Variants in KIAA1217 observed in about 807,000 individuals in gnomAD.
KIAA1217 encodes sickle tail protein homolog.
KIAA1217 carries 88 observed loss-of-function variants against 163.9 expected under a neutral mutation model. The ratio of observed to expected loss-of-function variants is 0.54; its 90% CI spans 0.45 to 0.64. The LOEUF (loss-of-function observed/expected upper bound fraction) is 0.64, where lower values mean the gene tolerates loss of function less well. KIAA1217 is among the 30% of genes least tolerant of loss of function. KIAA1217 has a pLI of 0.00. For missense variants in KIAA1217, 2,372 were observed against 2,475.0 expected (o/e 0.96, Z 0.88); for synonymous variants, 903 against 923.1 (o/e 0.98, Z 0.39).
chr10:24,395,084 A>C (rs1227855724), intron 3 of KIAA1217, among the ~76,000 whole-genome samples: 1 of 152,124 alleles, frequency 6.6e-6, no homozygotes, highest in African/African-American at 2.4e-5. Context: ...GAAAGAATGA[A>C]ATGGTTATTT....
At chr10:23,979,463 T>C (rs1176497868) in intron 1 of KIAA1217, among the ~76,000 whole-genome samples, 2 of 152,262 alleles carry the variant, frequency 1.3e-5, no homozygotes, top group Non-Finnish European at 2.9e-5. Flanking sequence ...TTCCTCTTCA[T>C]GTCTTTCTTA....
intron 6 of KIAA1217, among the ~76,000 whole-genome samples, chr10:24,479,246 A>C (rs1399428152): frequency 2.0e-5 from 3 of 152,214 alleles, no homozygotes; most frequent in African/African-American, 7.2e-5. Flanking sequence ...ATTCAATGTT[A>C]CTATGTTGGT....
rs181807752 is a variant in KIAA1217, at chr10:24,211,453, C to A, written c.70+2190C>A. Among the ~76,000 whole-genome samples the A allele has an allele frequency of 3.9e-3, 579 of 148,182 alleles. 10 individuals carry two copies. Among genetic ancestry groups the A allele is most frequent in the African/African-American group, 0.014 (566 of 39,832 alleles). The stretch of plus-strand genomic sequence containing the variant: ...TGGTGTGATCATAGCTCACTGCAGC[C>A]TTGAACTCTTGGGCTCAAGCAATCC... On this transcript the variant is annotated intron_variant, in intron 1 of 20. Coordinates refer to ENST00000376454, the MANE Select transcript of KIAA1217 (RefSeq NM_019590.5).
intron 2 of KIAA1217, chr10:24,367,088 T>C (rs1564549245): frequency 2.2e-6 from 2 of 928,708 alleles, no homozygotes; most frequent in African/African-American, 3.6e-5. Flanking sequence ...TTTTCTTTCC[T>C]ATTTTTTTCT....
intron 2 of KIAA1217, among the ~76,000 whole-genome samples, chr10:24,189,082 G>A (rs1441163122): frequency 6.7e-6 from 1 of 149,898 alleles, no homozygotes; most frequent in African/African-American, 2.5e-5. Context: ...CTCCAGCCTG[G>A]GTGACAGAGC....
intron 1 of KIAA1217, among the ~76,000 whole-genome samples, chr10:23,820,198 T>C (rs1837555443): frequency 6.6e-6 from 1 of 152,162 alleles, no homozygotes; most frequent in South Asian, 2.1e-4. Flanking sequence ...TCTGAGTAAA[T>C]CCTGTTTCCT....
At chr10:24,025,073 C>G (rs1847883691) in intron 2 of KIAA1217, among the ~76,000 whole-genome samples, 1 of 151,462 alleles carries the variant, frequency 6.6e-6, no homozygotes. Flanking sequence ...TTTTTGTGTT[C>G]TAAGAAATCT....
At chr10:23,797,204 A>T (rs1425267344) in intron 1 of KIAA1217, among the ~76,000 whole-genome samples, 7 of 152,104 alleles carry the variant, frequency 4.6e-5, no homozygotes, top group African/African-American at 1.7e-4. Flanking sequence ...TTTCCTGATG[A>T]AGGGTCTGAG....
chr10:24,523,376 A>G (rs964257284), intron 12 of KIAA1217, among the ~76,000 whole-genome samples: 5 of 152,310 alleles, frequency 3.3e-5, no homozygotes, highest in African/African-American at 1.2e-4. Flanking sequence ...GGGAAAGGAG[A>G]GAACAAATCC....
At chr10:23,826,043 T>C (rs986479351) in intron 1 of KIAA1217, among the ~76,000 whole-genome samples, 1 of 152,196 alleles carries the variant, frequency 6.6e-6, no homozygotes, top group African/African-American at 2.4e-5. Flanking sequence ...AGTATGCTAG[T>C]ATGTTAACCT....
intron 2 of KIAA1217, among the ~76,000 whole-genome samples, chr10:24,289,837 TA>T (rs1341160606): frequency 6.6e-6 from 1 of 151,846 alleles, no homozygotes; most frequent in Non-Finnish European, 1.5e-5. Context: ...GGAGGGAAGG[TA>T]AGTGGTCAGA....
chr10:24,094,580 G>C (rs1449179854), intron 2 of KIAA1217, among the ~76,000 whole-genome samples: 1 of 152,212 alleles, frequency 6.6e-6, no homozygotes, highest in Non-Finnish European at 1.5e-5. Flanking sequence ...CTGTCTGATT[G>C]TTCCTCTGGA....
intron 1 of KIAA1217, among the ~76,000 whole-genome samples, chr10:23,892,745 C>T (rs368356568): frequency 6.6e-6 from 1 of 151,598 alleles, no homozygotes; most frequent in Non-Finnish European, 1.5e-5. Context: ...GTAATTTGTT[C>T]TACACTATAA....
chr10:24,122,768 T>G (rs1224549924), intron 2 of KIAA1217, among the ~76,000 whole-genome samples: 3 of 152,172 alleles, frequency 2.0e-5, no homozygotes, highest in Non-Finnish European at 4.4e-5. Context: ...ATGCTTTTTT[T>G]GTTTACTTTT....
At chr10:23,855,401 A>C (rs992540714) in intron 1 of KIAA1217, among the ~76,000 whole-genome samples, 37 of 152,074 alleles carry the variant, frequency 2.4e-4, no homozygotes, top group African/African-American at 7.0e-4. Flanking sequence ...GTCTGATGGG[A>C]TTCCCTTTGT....
At chr10:23,913,418 A>G (rs1317518222) in intron 1 of KIAA1217, among the ~76,000 whole-genome samples, 1 of 151,082 alleles carries the variant, frequency 6.6e-6, no homozygotes, top group African/African-American at 2.4e-5. Flanking sequence ...TCTGTTCCAA[A>G]AAAAAAAAAG....
At position 24,521,809 on chromosome 10, in the gene KIAA1217, T is replaced by A; in HGVS notation, c.2336T>A (p.Met779Lys). ...GAATTTCCAACCTTACAAAACAAGA[T>A]GCGAGCCATCCTGCGCATAGAAGTG... is the stretch of plus-strand genomic sequence containing the variant. Reference protein sequence around the residue: ...KGEFPTLQNKMRAILRIEVEA... With the variant: ...KGEFPTLQNKKRAILRIEVEA... The change falls in exon 12 of 21, where the codon ATG (methionine) becomes AAG (lysine). Residue 779 changes from methionine to lysine, a missense_variant. Met to Lys is a moderately conservative substitution (Grantham distance 95, BLOSUM62 -1). This residue lies in a region of KIAA1217 where 1,431 missense variants were observed against 1,470.3 expected (regional missense o/e 0.97). Coordinates refer to ENST00000376454, the MANE Select transcript of KIAA1217 (RefSeq NM_019590.5). The A allele has an allele frequency of 6.2e-7, 1 of 1,613,396 alleles. No individual in the cohort carries two copies. The highest frequency in any genetic ancestry group is 8.5e-7 in the Non-Finnish European group (1 of 1,179,902).
At chr10:23,904,936 AG>A (rs1042349053) in intron 1 of KIAA1217, among the ~76,000 whole-genome samples, 3 of 151,224 alleles carry the variant, frequency 2.0e-5, no homozygotes, top group African/African-American at 7.3e-5. Context: ...CTTGGACACC[AG>A]TCCTCTAATT....
chr10:24,187,087 C>T (rs757866183), intron 2 of KIAA1217, among the ~76,000 whole-genome samples: 6 of 152,076 alleles, frequency 3.9e-5, no homozygotes, highest in African/African-American at 1.2e-4. Context: ...TGAGACTCTC[C>T]GTACAGCCCT....
Sources: gnomAD v4.1 joint callset for allele counts (sites outside exome capture counted in the v4.1 genomes callset) on GRCh38, gnomAD v4.1.1 for gene constraint, gnomAD v4.1.1 regional missense constraint, MANE v1.5 for transcripts, NCBI Gene and HGNC (gene_info 2026-07-23, HGNC 2026-07-21) for gene names.